Variants in DMP1 observed in about 807,000 individuals in gnomAD.
The protein encoded by DMP1 is dentin matrix acidic phosphoprotein 1.
DMP1 carries 20 observed loss-of-function variants against 14.6 expected under a neutral mutation model. The observed-to-expected ratio is 1.37, with a 90% CI of 0.96 to 1.99. The LOEUF is 1.99. DMP1 is among the 30% of genes most tolerant of loss of function. The probability of loss-of-function intolerance (pLI) is 0.00; values close to 1 mark genes in which losing one functional copy is unlikely to be tolerated. For synonymous variants in DMP1, 197 were observed against 215.3 expected, an observed-to-expected ratio of 0.91 and a Z score of 0.75; for missense variants, 567 against 620.5, an observed-to-expected ratio of 0.91 and a Z score of 0.92.
At chr4:87,658,055 A>G (rs1351061682) in intron 3 of DMP1, among the ~76,000 whole-genome samples, 1 of 152,236 alleles carries the variant, frequency 6.6e-6, no homozygotes, top group Non-Finnish European at 1.5e-5. Flanking sequence ...TCATTTAACC[A>G]GAGACGCACA....
At position 87,662,714 on chromosome 4, in the gene DMP1, C is replaced by T. The variant is rs767079912; in HGVS notation, c.936C>T (p.Asp312=). The T allele has an allele frequency of 1.9e-6, 3 of 1,614,148 alleles. No homozygotes were observed. The highest frequency in any genetic ancestry group is 2.5e-6 in the Non-Finnish European group (3 of 1,180,034). Reference sequence around the variant, plus strand: ...CTGGCCTCAGCCAACCCAGGAGAGACAGCAAGGGTGACTCTCAAGAAGACA... The same window carrying T: ...CTGGCCTCAGCCAACCCAGGAGAGATAGCAAGGGTGACTCTCAAGAAGACA... ...RDTGLSQPRR[D]SKGDSQEDSK... is the part of the protein sequence containing the mutation. Residue 312 remains aspartate, a synonymous_variant, in exon 6 of 6, where the codon GAC becomes GAT. Coordinates refer to ENST00000339673, the MANE Select transcript of DMP1 (RefSeq NM_004407.4).
intron 1 of DMP1, among the ~76,000 whole-genome samples, chr4:87,653,386 GATATAT>G (rs57266829): frequency 0.017 from 991 of 57,720 alleles, 22 homozygotes; most frequent in East Asian, 0.026. Context: ...ATTATCGAGT[GATATAT>G]ATATATATAT....
rs1383071193 is a variant in DMP1 at position 87,662,178 on chromosome 4, C to A, written c.400C>A (p.Leu134Met). ...KDRQEGGNSR[L>M]GSDEDSDDTI... The stretch of plus-strand genomic sequence containing the variant: ...CAGACAAGAAGGAGGAAACTCCAGA[C>A]TGGGAAGTGATGAGGACTCTGATGA... Residue 134 changes from leucine to methionine, a missense_variant, in exon 6 of 6, where the codon CTG becomes ATG. Coordinates refer to ENST00000339673, the MANE Select transcript of DMP1 (RefSeq NM_004407.4). 1.2e-6 allele frequency: 2 copies of A among 1,614,172 alleles called. No individual in the cohort carries two copies. The highest frequency in any genetic ancestry group is 2.2e-5 in the East Asian group (1 of 44,878).
At chr4:87,658,682 G>A (rs2045741) in intron 3 of DMP1, 23,313 of 164,354 alleles carry the variant, frequency 0.14, 2,095 homozygotes, top group South Asian at 0.24. Flanking sequence ...AAGCACAGTG[G>A]GTGTTAATTT....
At chr4:87,661,284 A>G (rs1223916867) in intron 5 of DMP1, among the ~76,000 whole-genome samples, 2 of 134,920 alleles carry the variant, frequency 1.5e-5, no homozygotes, top group Admixed American at 8.5e-5. Context: ...GCAGTGGCGC[A>G]ATCTCGGCTC....
chr4:87,656,194 A>G (rs1379358679), intron 1 of DMP1, among the ~76,000 whole-genome samples: 1 of 152,198 alleles, frequency 6.6e-6, no homozygotes, highest in African/African-American at 2.4e-5. Flanking sequence ...TATTGTGGAC[A>G]TTTCATGTAA....
chr4:87,663,500 T>G lies in DMP1; in HGVS notation c.*180T>G. 9.2e-6 allele frequency: 8 copies of G among 874,218 alleles called. No individual in the cohort carries two copies. Among genetic ancestry groups the G allele is most frequent in the Non-Finnish European group, 1.4e-5 (8 of 564,818 alleles). 54.2% of individuals were successfully genotyped at this position (874,218 alleles called of 1,614,324 possible). ...AGGGTGTCATCATTTCACAGAGGTT[T>G]AAATACTGTGGAGTGACACCAGAAC... On this transcript the variant is annotated 3_prime_UTR_variant, in exon 6 of 6. Coordinates refer to ENST00000339673, the MANE Select transcript of DMP1 (RefSeq NM_004407.4).
intron 1 of DMP1, among the ~76,000 whole-genome samples, chr4:87,655,761 T>C (rs1728671037): frequency 6.6e-6 from 1 of 152,140 alleles, no homozygotes; most frequent in Non-Finnish European, 1.5e-5. Flanking sequence ...AGTGTAGTTT[T>C]TTAGGGAGAA....
intron 1 of DMP1, among the ~76,000 whole-genome samples, chr4:87,656,007 G>A (rs1186357702): frequency 1.3e-5 from 2 of 152,160 alleles, no homozygotes; most frequent in East Asian, 3.8e-4. Flanking sequence ...AATTTGAAGT[G>A]TATAGCTCAG....
At chr4:87,659,398 T>A in intron 4 of DMP1, 33 bp from the exon 5 acceptor site, 1 of 1,612,450 alleles carries the variant, frequency 6.2e-7, no homozygotes, top group Non-Finnish European at 8.5e-7. Flanking sequence ...AAGGAATTAC[T>A]AAAAAGAAAA....
chr4:87,662,396 C>A lies in DMP1; in HGVS notation c.618C>A (p.Asp206Glu), dbSNP rs369898414. ...GGSDGESSHG[D>E]GSELDDEGMQ... ...GTGATGGGGAGAGCAGCCATGGAGACGGCTCCGAGTTGGACGATGAGGGAA... is the reference window on the plus strand; with the variant it reads ...GTGATGGGGAGAGCAGCCATGGAGAAGGCTCCGAGTTGGACGATGAGGGAA... Residue 206 changes from aspartate to glutamate, a missense_variant, in exon 6 of 6, where the codon GAC (aspartate) becomes GAA (glutamate). Transcript: ENST00000339673. 1 of 1,613,968 alleles carries A rather than the reference C, an allele frequency of 6.2e-7. No homozygotes were observed. Among genetic ancestry groups the A allele is most frequent in the African/African-American group, 1.3e-5 (1 of 74,888 alleles).
rs770626072 is a variant in DMP1, at chr4:87,663,174, A to G, written c.1396A>G (p.Ser466Gly). Reference sequence around the variant, plus strand: ...AGACAGCAGCAGATCCAAAGAAGATAGCAACTCCACGGAGAGCAAATCAAG... The same window carrying G: ...AGACAGCAGCAGATCCAAAGAAGATGGCAACTCCACGGAGAGCAAATCAAG... ...SQDSSRSKEDSNSTESKSSSE... is the reference protein window; with the variant it reads ...SQDSSRSKEDGNSTESKSSSE... The change falls in exon 6 of 6, where the codon AGC (serine) becomes GGC (glycine). Residue 466 changes from serine to glycine, a missense_variant. Transcript: ENST00000339673. 7.1e-5 allele frequency: 114 copies of G among 1,614,084 alleles called. No homozygotes were observed. The South Asian group carries it at 1.2e-3, about 17-fold the overall frequency.
At chr4:87,658,291 C>A (rs1449254770) in intron 3 of DMP1, among the ~76,000 whole-genome samples, 1 of 152,226 alleles carries the variant, frequency 6.6e-6, no homozygotes, top group East Asian at 1.9e-4. Context: ...AATAGCAGCT[C>A]CTCCCTGCTC....
At chr4:87,652,145 T>A (rs931556078) in intron 1 of DMP1, among the ~76,000 whole-genome samples, 1 of 152,178 alleles carries the variant, frequency 6.6e-6, no homozygotes, top group Non-Finnish European at 1.5e-5. Context: ...TTTCCTTTTG[T>A]TACGTCATCT....
At chr4:87,657,761 G>C (rs1054511533) in intron 3 of DMP1, among the ~76,000 whole-genome samples, 3 of 152,154 alleles carry the variant, frequency 2.0e-5, no homozygotes. Context: ...TCTCAGGAAG[G>C]AGCCAGGTCT....
chr4:87,661,382 C>T (rs1294702737), intron 5 of DMP1, among the ~76,000 whole-genome samples: 6 of 151,950 alleles, frequency 3.9e-5, no homozygotes, highest in South Asian at 2.1e-4. Flanking sequence ...CCACCTCGCC[C>T]GGCTAATTTT....
chr4:87,657,017 T>C lies in DMP1; in HGVS notation c.55-15T>C, dbSNP rs763278171. The C allele has an allele frequency of 1.2e-5, 18 of 1,472,030 alleles. No individual in the cohort carries two copies. The South Asian group carries it at 1.8e-4, about 15-fold the overall frequency. The allele number at this position is 1,472,030 out of a possible 1,614,324, so 91.2% of individuals were successfully genotyped here. ...AATTTCTCTTTGGATTTACCATGTG[T>C]ACTAAATTTTCTAGGTAACCAGGTA... On this transcript the variant is annotated splice_polypyrimidine_tract_variant and intron_variant, in intron 2 of 5. Transcript: ENST00000339673.
chr4:87,657,018 AC>A lies in DMP1; in HGVS notation c.55-13del, dbSNP rs562686862. On this transcript the variant is annotated splice_polypyrimidine_tract_variant and intron_variant, in intron 2 of 5. Transcript: ENST00000339673. ...ATTTCTCTTTGGATTTACCATGTGT[AC>A]TAAATTTTCTAGGTAACCAGGTATC... The A allele has an allele frequency of 9.1e-5, 135 of 1,483,656 alleles. 2 individuals carry two copies. The African/African-American group carries it at 1.5e-3, about 17-fold the overall frequency. The allele number at this position is 1,483,656 out of a possible 1,614,324, so 91.9% of individuals were successfully genotyped here. A position where few individuals can be genotyped will look rare whatever the true frequency, so the allele number is the denominator to read the frequency against.
rs1471577412 is a variant in DMP1 at position 87,662,307 on chromosome 4, A to C, written c.529A>C (p.Lys177Gln). The C allele has an allele frequency of 1.9e-6, 3 of 1,613,972 alleles. No individual in the cohort carries two copies. Among genetic ancestry groups the C allele is most frequent in the Non-Finnish European group, 1.7e-6 (2 of 1,180,020 alleles). The change falls in exon 6 of 6, where the codon AAG becomes CAG. Residue 177 changes from lysine (K) to glutamine (Q), a missense_variant. By Grantham distance (53) the Lys-to-Gln change is moderately conservative (BLOSUM62 1). Transcript: ENST00000339673. ...ELDNEDRVDS[K>Q]PEGGDSTQES... Reference sequence around the variant, plus strand: ...TGACAATGAGGACCGGGTGGACAGCAAGCCTGAGGGAGGTGACTCCACTCA... The same window carrying C: ...TGACAATGAGGACCGGGTGGACAGCCAGCCTGAGGGAGGTGACTCCACTCA...
Sources: allele counts gnomAD v4.1 joint callset (sites outside exome capture counted in the v4.1 genomes callset), GRCh38; gene constraint gnomAD v4.1.1; transcripts MANE v1.5; gene names NCBI Gene and HGNC (gene_info 2026-07-23, HGNC 2026-07-21).